ZNF438: variants seen among roughly 807,000 people sequenced by gnomAD.
ZNF438 encodes zinc finger protein 438.
Under a neutral mutation model 38.0 loss-of-function variants are expected in ZNF438, and 25 were observed. The observed-to-expected ratio is 0.66, with a 90% CI of 0.48 to 0.92. The LOEUF is 0.92. ZNF438 is among the 40% of genes least tolerant of loss of function. The probability of loss-of-function intolerance (pLI) is 0.00; values close to 1 mark genes in which losing one functional copy is unlikely to be tolerated. For missense variants in ZNF438, 1,007 were observed against 999.6 expected (o/e 1.01, Z -0.10); for synonymous variants, 372 against 364.1 (o/e 1.02, Z -0.25).
intron 2 of ZNF438, among the ~76,000 whole-genome samples, chr10:30,926,534 C>T (rs537207965): frequency 1.3e-3 from 194 of 151,628 alleles, no homozygotes; most frequent in African/African-American, 1.6e-3. Flanking sequence ...GGCGTGGTGG[C>T]GGGTGCCTGT....
At chr10:31,029,438 G>A (rs2057142616) in intron 1 of ZNF438, among the ~76,000 whole-genome samples, 1 of 152,132 alleles carries the variant, frequency 6.6e-6, no homozygotes. Flanking sequence ...ACTTCTAGTT[G>A]TTCCAGCCTA....
chr10:30,960,431 G>A (rs1425077837), intron 1 of ZNF438, among the ~76,000 whole-genome samples: 6 of 146,766 alleles, frequency 4.1e-5, no homozygotes, highest in Admixed American at 2.7e-4. Flanking sequence ...CTAATTCATT[G>A]TCAGCTAATT....
chr10:30,954,726 G>T (rs373452861), intron 1 of ZNF438, among the ~76,000 whole-genome samples: 2 of 152,066 alleles, frequency 1.3e-5, no homozygotes, highest in East Asian at 3.8e-4. Flanking sequence ...TTAATGGAGC[G>T]GGCTACAATT....
intron 2 of ZNF438, among the ~76,000 whole-genome samples, chr10:30,926,021 G>A (rs1198003267): frequency 1.3e-5 from 2 of 152,042 alleles, no homozygotes; most frequent in Non-Finnish European, 2.9e-5. Context: ...CTGAGAAAAG[G>A]ATAGAAAGGT....
At chr10:30,866,451 A>G (rs1191299240) in intron 4 of ZNF438, among the ~76,000 whole-genome samples, 1 of 152,216 alleles carries the variant, frequency 6.6e-6, no homozygotes, top group African/African-American at 2.4e-5. Flanking sequence ...GATAAAAGTC[A>G]TTTTCTTTCA....
Position 30,879,481 on chromosome 10 carries a change from G to A in ZNF438, c.-31-2416C>T, listed in dbSNP as rs542691904. Among the ~76,000 whole-genome samples, 7 of 152,224 alleles carry A rather than the reference G, an allele frequency of 4.6e-5. No homozygotes were observed. The South Asian group carries it at 1.5e-3, about 32-fold the overall frequency. ...TCTAATAAAAATTATCAAGCATGCA[G>A]AAACGCAGAAAAATATGATCCATAA... is the stretch of plus-strand genomic sequence containing the variant. On this transcript the variant is annotated intron_variant, in intron 3 of 5. Coordinates refer to ENST00000413025, the Ensembl canonical transcript of ZNF438.
intron 1 of ZNF438, among the ~76,000 whole-genome samples, chr10:31,031,132 G>A (rs2057265109): frequency 6.6e-6 from 1 of 152,210 alleles, no homozygotes; most frequent in Non-Finnish European, 1.5e-5. Flanking sequence ...TTGTCGGGGG[G>A]AGGCAAAACA....
chr10:31,025,165 A>T (rs887282720), intron 1 of ZNF438, among the ~76,000 whole-genome samples: 1 of 152,210 alleles, frequency 6.6e-6, no homozygotes, highest in Non-Finnish European at 1.5e-5. Context: ...AAAGCAAAAA[A>T]ATAAAAAAAT....
At chr10:30,906,453 T>C (rs930395367) in intron 3 of ZNF438, among the ~76,000 whole-genome samples, 3 of 152,206 alleles carry the variant, frequency 2.0e-5, no homozygotes, top group African/African-American at 7.2e-5. Flanking sequence ...AATTCATTAA[T>C]TAGTTCTAAG....
At chr10:30,969,728 T>A (rs934693100) in intron 1 of ZNF438, among the ~76,000 whole-genome samples, 1 of 152,184 alleles carries the variant, frequency 6.6e-6, no homozygotes, top group Admixed American at 6.5e-5. Context: ...TTAACCCATG[T>A]TCCATCCTAT....
At chr10:31,018,664 T>G (rs1413688216) in intron 1 of ZNF438, among the ~76,000 whole-genome samples, 1 of 152,244 alleles carries the variant, frequency 6.6e-6, no homozygotes, top group African/African-American at 2.4e-5. Flanking sequence ...AATAAACTGA[T>G]GCCAAAAACC....
At chr10:30,956,539 T>C (rs566186339) in intron 1 of ZNF438, among the ~76,000 whole-genome samples, 5 of 152,312 alleles carry the variant, frequency 3.3e-5, no homozygotes, top group African/African-American at 1.2e-4. Flanking sequence ...TTTGCACTTG[T>C]TGACCAACCT....
chr10:31,014,801 A>G (rs2056043229), intron 1 of ZNF438, among the ~76,000 whole-genome samples: 2 of 152,094 alleles, frequency 1.3e-5, no homozygotes, highest in Admixed American at 1.3e-4. Flanking sequence ...CATGCAATAA[A>G]TATGTCATTC....
At chr10:31,005,604 G>C (rs1437541180) in intron 1 of ZNF438, among the ~76,000 whole-genome samples, 1 of 152,082 alleles carries the variant, frequency 6.6e-6, no homozygotes, top group Non-Finnish European at 1.5e-5. Flanking sequence ...GAGGACTATG[G>C]TTAATACTGT....
exon 6 of ZNF438, chr10:30,844,758 GAC>G: frequency 1.7e-6 from 1 of 593,034 alleles, no homozygotes; most frequent in South Asian, 2.6e-5. Flanking sequence ...TTTAAAATAA[GAC>G]TGCATATAGT....
At chr10:30,877,801 T>G (rs1231042606) in intron 3 of ZNF438, among the ~76,000 whole-genome samples, 1 of 152,228 alleles carries the variant, frequency 6.6e-6, no homozygotes, top group African/African-American at 2.4e-5. Flanking sequence ...AATTTTTTTA[T>G]AAGTTCTTAA....
chr10:30,950,864 T>C (rs1273738523), intron 1 of ZNF438, among the ~76,000 whole-genome samples: 18 of 117,954 alleles, frequency 1.5e-4, no homozygotes, highest in East Asian at 6.1e-4. Flanking sequence ...TTCCAATCAA[T>C]AGAAAAAGAG....
At chr10:30,889,976 A>G (rs1168000144) in intron 3 of ZNF438, among the ~76,000 whole-genome samples, 1 of 152,126 alleles carries the variant, frequency 6.6e-6, no homozygotes, top group Non-Finnish European at 1.5e-5. Flanking sequence ...CTACATGCTG[A>G]AAATACTTTG....
intron 1 of ZNF438, among the ~76,000 whole-genome samples, chr10:30,985,224 A>C (rs1022830355): frequency 6.6e-6 from 1 of 152,222 alleles, no homozygotes; most frequent in African/African-American, 2.4e-5. Context: ...TAACTCCTCC[A>C]GTCTTGAATG....
Sources: gnomAD v4.1 joint callset for allele counts (sites outside exome capture counted in the v4.1 genomes callset) on GRCh38, gnomAD v4.1.1 for gene constraint, MANE v1.5 for transcripts, NCBI Gene and HGNC (gene_info 2026-07-23, HGNC 2026-07-21) for gene names.